FOCAD: variants seen among roughly 807,000 people sequenced by gnomAD.
FOCAD encodes the protein KIAA1797.
Under a neutral mutation model 225.6 loss-of-function variants are expected in FOCAD, and 198 were observed. The ratio of observed to expected loss-of-function variants is 0.88; its 90% CI spans 0.78 to 0.99. The LOEUF (loss-of-function observed/expected upper bound fraction) is 0.99, where lower values mean the gene tolerates loss of function less well. Among genes scored for constraint, FOCAD ranks in the 50% least tolerant of loss-of-function variants. The pLI, the probability that FOCAD is intolerant of heterozygous loss-of-function variation, is 0.00. For missense variants in FOCAD, 2,713 were observed against 2,123.6 expected (o/e 1.28, Z -5.46); for synonymous variants, 897 against 755.0 (o/e 1.19, Z -3.08).
intron 11 of FOCAD, among the ~76,000 whole-genome samples, chr9:20,790,155 C>T (rs1324338865): frequency 6.6e-6 from 1 of 152,156 alleles, no homozygotes; most frequent in Non-Finnish European, 1.5e-5. Flanking sequence ...TTCCTAACTG[C>T]ACAGAACTTA....
chr9:20,666,082 G>C (rs1180188603), intron 2 of FOCAD, among the ~76,000 whole-genome samples: 1 of 152,020 alleles, frequency 6.6e-6, no homozygotes, highest in East Asian at 1.9e-4. Flanking sequence ...TCTATCTCTG[G>C]TTGTCACTAG....
At chr9:20,815,312 T>G (rs1011227387) in intron 11 of FOCAD, among the ~76,000 whole-genome samples, 1 of 149,310 alleles carries the variant, frequency 6.7e-6, no homozygotes, top group African/African-American at 2.5e-5. Context: ...TTTTGTAGTT[T>G]TTTTTTTTTT....
At chr9:20,837,724 A>G (rs1826134709) in intron 15 of FOCAD, among the ~76,000 whole-genome samples, 1 of 152,156 alleles carries the variant, frequency 6.6e-6, no homozygotes. Flanking sequence ...TATTTTATTC[A>G]GCATGTACTC....
chr9:20,778,060 C>T (rs1163339352), intron 8 of FOCAD, among the ~76,000 whole-genome samples: 7 of 136,202 alleles, frequency 5.1e-5, no homozygotes, highest in Non-Finnish European at 9.2e-5. Flanking sequence ...ACAGCACTCC[C>T]GCCTGGGCGA....
chr9:20,892,276 C>G (rs1489069183), intron 21 of FOCAD, among the ~76,000 whole-genome samples: 2 of 152,176 alleles, frequency 1.3e-5, no homozygotes, highest in African/African-American at 4.8e-5. Flanking sequence ...GTAATTTTGA[C>G]TTTCAAGTCT....
chr9:20,982,434 C>G lies in FOCAD; in HGVS notation c.4716C>G (p.Ala1572=), dbSNP rs1255219061. 1 of 1,613,288 alleles carries G rather than the reference C, an allele frequency of 6.2e-7. No homozygotes were observed. Among genetic ancestry groups the G allele is most frequent in the South Asian group, 1.1e-5 (1 of 91,068 alleles). The change falls in exon 39 of 44, where the codon GCC becomes GCG. Residue 1572 remains alanine (A), a synonymous_variant. Transcript: ENST00000338382. ...EMTDDDANRI[A]QVTKSNIEKA... is the part of the protein sequence containing the mutation. The stretch of plus-strand genomic sequence containing the variant: ...CAGATGATGATGCCAATCGGATCGC[C>G]CAGGTTACTAAGGTAATAACATATC...
rs1366948342 is a variant in FOCAD, at chr9:20,935,591, G to C, written c.3407+2488G>C. ...AATTTTGTATTTTTAGTAGAGATGG[G>C]GTTTCACCAATTGGTCAGGCTGGTC... On this transcript the variant is annotated intron_variant, in intron 28 of 43. Coordinates refer to ENST00000338382, the MANE Select transcript of FOCAD (RefSeq NM_001375567.1). Among the ~76,000 whole-genome samples the C allele has an allele frequency of 3.3e-5, 5 of 152,214 alleles. No homozygotes were observed. The East Asian group carries it at 9.7e-4, about 29-fold the overall frequency.
rs192469577 is a variant in FOCAD, at chr9:20,867,068, T to C, written c.2190+56T>C. 28 of 1,172,718 alleles carry C rather than the reference T, an allele frequency of 2.4e-5. No individual in the cohort carries two copies. The African/African-American group carries it at 4.0e-4, about 17-fold the overall frequency. 72.6% of individuals were successfully genotyped at this position (1,172,718 alleles called of 1,614,324 possible). A position where few individuals can be genotyped will look rare whatever the true frequency, so the allele number is the denominator to read the frequency against. ...CTTAATTTGCTAGGGTTTACAACTT[T>C]TTCTCTCTCATCTTAGGAGATACTT... On this transcript the variant is annotated intron_variant, in intron 18 of 43. Coordinates refer to ENST00000338382, the MANE Select transcript of FOCAD (RefSeq NM_001375567.1).
intron 11 of FOCAD, among the ~76,000 whole-genome samples, chr9:20,816,101 C>G (rs1175132829): frequency 6.6e-6 from 1 of 152,002 alleles, no homozygotes; most frequent in African/African-American, 2.4e-5. Flanking sequence ...AAAGACACAC[C>G]CTTACGTGCT....
At chr9:20,968,799 C>T (rs1021225713) in intron 35 of FOCAD, among the ~76,000 whole-genome samples, 9 of 151,940 alleles carry the variant, frequency 5.9e-5, no homozygotes, top group Non-Finnish European at 1.0e-4. Context: ...CTTCCTCTAC[C>T]TTTGGGTATA....
In FOCAD at chr9:20,923,784, T is replaced by A; in HGVS notation, c.2961+16T>A. ...GCTCCTGGAGGTTAGTTGGGGTGAT[T>A]TAAACAATTGGCTTTGATTATGTCT... On this transcript the variant is annotated intron_variant, in intron 25 of 43. Coordinates refer to ENST00000338382, the MANE Select transcript of FOCAD (RefSeq NM_001375567.1). 1.3e-6 allele frequency: 2 copies of A among 1,587,280 alleles called. No homozygotes were observed. The highest frequency in any genetic ancestry group is 1.7e-6 in the Non-Finnish European group (2 of 1,156,820).
chr9:20,666,779 G>T (rs955972229), intron 2 of FOCAD, among the ~76,000 whole-genome samples: 1 of 152,202 alleles, frequency 6.6e-6, no homozygotes, highest in East Asian at 1.9e-4. Context: ...TGTTGGAGGT[G>T]TCTGCGAAGA....
intron 4 of FOCAD, among the ~76,000 whole-genome samples, chr9:20,721,267 C>T (rs900486422): frequency 6.6e-6 from 1 of 152,192 alleles, no homozygotes; most frequent in Non-Finnish European, 1.5e-5. Flanking sequence ...TCCCTCACCT[C>T]TCACCAAGCC....
intron 2 of FOCAD, among the ~76,000 whole-genome samples, chr9:20,659,256 A>T (rs58120912): frequency 0.014 from 2,020 of 144,148 alleles, 46 homozygotes; most frequent in African/African-American, 0.047. Context: ...TTAAAAAGAA[A>T]GTTAGCCTGG....
chr9:20,764,926 A>G lies in FOCAD; in HGVS notation c.552A>G (p.Glu184=). The change falls in exon 7 of 44, where the codon GAA becomes GAG. Residue 184 remains glutamate, a synonymous_variant. Coordinates refer to ENST00000338382, the MANE Select transcript of FOCAD (RefSeq NM_001375567.1). ...CATTTCTGTGGTATCTGTATTGTGAACCATCTCAGTTACAAGAATATGCTA... is the reference window on the plus strand; with the variant it reads ...CATTTCTGTGGTATCTGTATTGTGAGCCATCTCAGTTACAAGAATATGCTA... The part of the protein sequence containing the change: ...MAPFLWYLYC[E]PSQLQEYAKL... 1 of 1,614,128 alleles carries G rather than the reference A, an allele frequency of 6.2e-7. No homozygotes were observed. Among genetic ancestry groups the G allele is most frequent in the Non-Finnish European group, 8.5e-7 (1 of 1,180,004 alleles).
In FOCAD at chr9:20,852,138, C is replaced by T. The variant is rs558515833; in HGVS notation, c.1921-10440C>T. Reference sequence around the variant, plus strand: ...GTTTGGGTGGAAAAATCTTGTTTATCCTTGTTTAAACCTTGCTTTGGGGGA... The same window carrying T: ...GTTTGGGTGGAAAAATCTTGTTTATTCTTGTTTAAACCTTGCTTTGGGGGA... On this transcript the variant is annotated intron_variant, in intron 15 of 43. Coordinates refer to ENST00000338382, the MANE Select transcript of FOCAD (RefSeq NM_001375567.1). Among the ~76,000 whole-genome samples the T allele has an allele frequency of 2.0e-5, 3 of 151,796 alleles. No individual in the cohort carries two copies. In the South Asian group the frequency reaches 6.2e-4, roughly 32 times the overall value.
chr9:20,799,984 A>T (rs1303833460), intron 11 of FOCAD, among the ~76,000 whole-genome samples: 1 of 152,044 alleles, frequency 6.6e-6, no homozygotes, highest in Non-Finnish European at 1.5e-5. Flanking sequence ...AGTGGCTGGT[A>T]CCAGTTGTTC....
intron 10 of FOCAD, among the ~76,000 whole-genome samples, chr9:20,785,757 T>G (rs1248886669): frequency 2.6e-5 from 4 of 152,224 alleles, no homozygotes; most frequent in African/African-American, 9.6e-5. Flanking sequence ...TTCATTTCTC[T>G]TGAGTAGATA....
At chr9:20,791,221 A>ACACACACATACACACT (rs1820495668) in intron 11 of FOCAD, among the ~76,000 whole-genome samples, 1 of 96,482 alleles carries the variant, frequency 1.0e-5, no homozygotes, top group Non-Finnish European at 2.2e-5. Context: ...ATATGCATGC[A>ACACACACATACACACT]CACACACACA....
Sources: gnomAD v4.1 joint callset for allele counts (sites outside exome capture counted in the v4.1 genomes callset) on GRCh38, gnomAD v4.1.1 for gene constraint, MANE v1.5 for transcripts, NCBI Gene and HGNC (gene_info 2026-07-23, HGNC 2026-07-21) for gene names.